HMGCLL1: variants seen among roughly 807,000 people sequenced by gnomAD.
HMGCLL1 encodes 3-hydroxy-3-methylglutaryl-CoA lyase like 1.
In HMGCLL1, 36 loss-of-function variants were observed where a neutral mutation model predicts 39.1. The ratio of observed to expected loss-of-function variants is 0.92; its 90% CI spans 0.71 to 1.22. HMGCLL1 has a LOEUF of 1.22. HMGCLL1 is among the 50% of genes most tolerant of loss of function. The pLI, the probability that HMGCLL1 is intolerant of heterozygous loss-of-function variation, is 0.00. For synonymous variants in HMGCLL1, 149 were observed against 144.0 expected (o/e 1.03, Z -0.25); for missense variants, 451 against 416.5 (o/e 1.08, Z -0.72).
the HMGCLL1 span, among the ~76,000 whole-genome samples, chr6:55,605,732 T>C: frequency 6.6e-6 from 1 of 152,172 alleles, no homozygotes; most frequent in Non-Finnish European, 1.5e-5. Context: ...TAGTGCTGTA[T>C]CCTCCAGTAA....
At chr6:55,455,866 C>T (rs1350382716) in intron 7 of HMGCLL1, among the ~76,000 whole-genome samples, 2 of 152,164 alleles carry the variant, frequency 1.3e-5, no homozygotes, top group Admixed American at 6.5e-5. Flanking sequence ...TTTCTCCAAT[C>T]CTATGGCTTT....
the HMGCLL1 span, among the ~76,000 whole-genome samples, chr6:55,673,484 A>G: frequency 5.4e-4 from 82 of 152,218 alleles, no homozygotes; most frequent in African/African-American, 1.9e-3. Flanking sequence ...AATAAAATGT[A>G]AAAACAAGTT....
the HMGCLL1 span, among the ~76,000 whole-genome samples, chr6:55,645,930 CTCT>C: frequency 6.6e-6 from 1 of 151,708 alleles, no homozygotes; most frequent in Admixed American, 6.6e-5. Context: ...AAAGTATTCT[CTCT>C]TCTTCTATGA....
chr6:55,662,500 G>A, the HMGCLL1 span, among the ~76,000 whole-genome samples: 439 of 151,938 alleles, frequency 2.9e-3, no homozygotes, highest in Non-Finnish European at 4.5e-3. Context: ...ATTTGTGTAT[G>A]TTGAACTAAC....
rs796752342 is a variant in HMGCLL1 at position 55,477,292 on chromosome 6, A to T, written c.795+18127T>A. On this transcript the variant is annotated intron_variant, in intron 7 of 8. Coordinates refer to ENST00000274901, the MANE Select transcript of HMGCLL1 (RefSeq NM_001042406.2). ...TAATATATATTATATATTATATATA[A>T]AATAATATATATTATATATATAATA... Among the ~76,000 whole-genome samples, 42 of 10,130 alleles carry T rather than the reference A, an allele frequency of 4.1e-3. 1 individual carries two copies. In the South Asian group the frequency reaches 0.1, roughly 24 times the overall value. 6.6% of individuals were successfully genotyped at this position (10,130 alleles called of 152,430 possible).
chr6:55,545,209 T>A (rs1182398652), intron 1 of HMGCLL1, among the ~76,000 whole-genome samples: 2 of 35,684 alleles, frequency 5.6e-5, no homozygotes, highest in African/African-American at 2.0e-4. Flanking sequence ...TGACAATGTT[T>A]GCCAAAAAAA....
At chr6:55,555,760 G>C (rs1168069694) in intron 1 of HMGCLL1, among the ~76,000 whole-genome samples, 1 of 152,160 alleles carries the variant, frequency 6.6e-6, no homozygotes, top group Non-Finnish European at 1.5e-5. Flanking sequence ...ATCATTATTT[G>C]CATATTAGTT....
At chr6:55,605,162 T>C in the HMGCLL1 span, among the ~76,000 whole-genome samples, 1 of 152,098 alleles carries the variant, frequency 6.6e-6, no homozygotes, top group African/African-American at 2.4e-5. Flanking sequence ...CCCAGGGTGG[T>C]CTATATCCAA....
At chr6:55,460,028 T>C (rs1179273017) in intron 7 of HMGCLL1, among the ~76,000 whole-genome samples, 2 of 152,018 alleles carry the variant, frequency 1.3e-5, no homozygotes, top group African/African-American at 4.8e-5. Flanking sequence ...TAAAAGTACA[T>C]CTGTTATTGC....
At chr6:55,632,633 T>C in the HMGCLL1 span, among the ~76,000 whole-genome samples, 1 of 152,054 alleles carries the variant, frequency 6.6e-6, no homozygotes, top group African/African-American at 2.4e-5. Flanking sequence ...AGTATTCATA[T>C]TTTTAGGGGC....
Position 55,499,356 on chromosome 6 carries a change from T to C in HMGCLL1, c.543-57A>G, listed in dbSNP as rs1581861241. 11 of 1,306,604 alleles carry C rather than the reference T, an allele frequency of 8.4e-6. No homozygotes were observed. In the East Asian group the frequency reaches 2.7e-4, roughly 32 times the overall value. The allele number at this position is 1,306,604 out of a possible 1,614,324, so 80.9% of individuals were successfully genotyped here. Reference sequence around the variant, plus strand: ...ATATGGTAAATAAGCCATTTCCATTTTATAAAAATTAAGAATTAGCTGAAA... The same window carrying C: ...ATATGGTAAATAAGCCATTTCCATTCTATAAAAATTAAGAATTAGCTGAAA... On this transcript the variant is annotated intron_variant, in intron 5 of 8. Coordinates refer to ENST00000274901, the MANE Select transcript of HMGCLL1 (RefSeq NM_001042406.2).
At chr6:55,612,613 A>G in the HMGCLL1 span, among the ~76,000 whole-genome samples, 3 of 152,154 alleles carry the variant, frequency 2.0e-5, no homozygotes, top group Non-Finnish European at 2.9e-5. Flanking sequence ...ACATAGACCA[A>G]TGGAACAGAA....
In HMGCLL1 at chr6:55,540,553, C is replaced by T. The variant is rs377136801; in HGVS notation, c.297+1176G>A. Among the ~76,000 whole-genome samples, 3 of 152,202 alleles carry T rather than the reference C, an allele frequency of 2.0e-5. No individual in the cohort carries two copies. The East Asian group carries it at 5.8e-4, about 29-fold the overall frequency. ...TCACCAGACACTGGATCTGCCAGCA[C>T]CTAAATGTTGGACTTCCCAGCCTCC... is the stretch of plus-strand genomic sequence containing the variant. On this transcript the variant is annotated intron_variant, in intron 3 of 8. Coordinates refer to ENST00000274901, the MANE Select transcript of HMGCLL1 (RefSeq NM_001042406.2).
At chr6:55,525,009 G>C (rs991020783) in intron 3 of HMGCLL1, among the ~76,000 whole-genome samples, 1 of 150,968 alleles carries the variant, frequency 6.6e-6, no homozygotes, top group African/African-American at 2.4e-5. Context: ...TGTTATAGAA[G>C]TACAAAAAAT....
the HMGCLL1 span, among the ~76,000 whole-genome samples, chr6:55,639,326 C>A: frequency 6.6e-6 from 1 of 150,938 alleles, no homozygotes; most frequent in Admixed American, 6.6e-5. Context: ...TATTATGTAC[C>A]AACACCTTGC....
rs1369923749 is a variant in HMGCLL1, at chr6:55,516,575, C to T, written c.326G>A (p.Gly109Asp). 2.5e-6 allele frequency: 4 copies of T among 1,598,410 alleles called. No individual in the cohort carries two copies. In the East Asian group the frequency reaches 6.7e-5, roughly 27 times the overall value. The change falls in exon 4 of 9, where the codon GGC (glycine) becomes GAC (aspartate). Residue 109 changes from glycine to aspartate, a missense_variant. Transcript: ENST00000274901. ...GCGAACTCCTGGATATTGATGAATG[C>T]CTTTCATTACTTCAGTGTGATCAGC... ...QMADHTEVMK[G>D]IHQYPGVRYP...
At chr6:55,447,952 A>G (rs997791212) in intron 7 of HMGCLL1, among the ~76,000 whole-genome samples, 1 of 152,186 alleles carries the variant, frequency 6.6e-6, no homozygotes, top group Non-Finnish European at 1.5e-5. Flanking sequence ...CATTGAATCC[A>G]TATAACAACT....
intron 3 of HMGCLL1, among the ~76,000 whole-genome samples, chr6:55,523,700 A>G (rs1414130676): frequency 6.6e-6 from 1 of 151,916 alleles, no homozygotes; most frequent in East Asian, 1.9e-4. Context: ...ATTACAACTC[A>G]CTGTAGAGTA....
At chr6:55,606,313 G>T in the HMGCLL1 span, among the ~76,000 whole-genome samples, 2 of 152,032 alleles carry the variant, frequency 1.3e-5, no homozygotes, top group Non-Finnish European at 2.9e-5. Flanking sequence ...CCATTATTGG[G>T]ACAAATATCC....
Sources: allele counts gnomAD v4.1 joint callset (sites outside exome capture counted in the v4.1 genomes callset), GRCh38; gene constraint gnomAD v4.1.1; transcripts MANE v1.5; gene names NCBI Gene and HGNC (gene_info 2026-07-23, HGNC 2026-07-21).